UGT2A2: variants seen among roughly 807,000 people sequenced by gnomAD.
UGT2A2 encodes the protein UDP-glucuronosyltransferase 2A2.
UGT2A2 carries 60 observed loss-of-function variants against 50.7 expected under a neutral mutation model. That is an observed-to-expected ratio of 1.18 (90% CI 0.96 to 1.47). The LOEUF is 1.47. UGT2A2 is among the 40% of genes most tolerant of loss of function. The pLI is 0.00. For missense variants in UGT2A2, 762 were observed against 634.0 expected (o/e 1.20, Z -2.17); for synonymous variants, 242 against 214.6 (o/e 1.13, Z -1.11).
At chr4:69,601,283 A>G (rs1719273359) in intron 1 of UGT2A2, among the ~76,000 whole-genome samples, 1 of 152,156 alleles carries the variant, frequency 6.6e-6, no homozygotes, top group Non-Finnish European at 1.5e-5. Context: ...GGGGAGCCAG[A>G]GCACAGACTT....
Position 69,599,307 on chromosome 4 carries a change from T to A in UGT2A2, c.830A>T (p.Tyr277Phe), listed in dbSNP as rs1486101154. Reference sequence around the variant, plus strand: ...TCCAACAAACTCAAAATTAGGTAAGTATGGACGAGGAAATTCAAAATCCCA... The same window carrying A: ...TCCAACAAACTCAAAATTAGGTAAGAATGGACGAGGAAATTCAAAATCCCA... Reference protein sequence around the residue: ...TYWDFEFPRPYLPNFEFVGGL... With the variant: ...TYWDFEFPRPFLPNFEFVGGL... The change falls in exon 2 of 6, where the codon TAC (tyrosine) becomes TTC (phenylalanine). Residue 277 changes from tyrosine to phenylalanine, a missense_variant. Transcript: ENST00000604629. 1 of 1,613,862 alleles carries A rather than the reference T, an allele frequency of 6.2e-7. No homozygotes were observed. The highest frequency in any genetic ancestry group is 8.5e-7 in the Non-Finnish European group (1 of 1,179,936).
At chr4:69,615,984 T>C (rs1415573934) in intron 1 of UGT2A2, among the ~76,000 whole-genome samples, 2 of 152,026 alleles carry the variant, frequency 1.3e-5, no homozygotes, top group Non-Finnish European at 2.9e-5. Flanking sequence ...CTGTTCCCAA[T>C]AGCCAAGATA....
intron 1 of UGT2A2, among the ~76,000 whole-genome samples, chr4:69,610,024 T>G (rs1244807104): frequency 6.6e-6 from 1 of 152,056 alleles, no homozygotes; most frequent in Non-Finnish European, 1.5e-5. Context: ...ACCTATAAAG[T>G]TTTTAAAGAG....
intron 5 of UGT2A2, among the ~76,000 whole-genome samples, chr4:69,593,500 GA>G (rs1018537716): frequency 2.0e-5 from 3 of 150,650 alleles, no homozygotes; most frequent in African/African-American, 7.3e-5. Context: ...ATCTTTCAGA[GA>G]AAAAAATAAG....
At chr4:69,614,791 A>G (rs1236560302) in intron 1 of UGT2A2, among the ~76,000 whole-genome samples, 1 of 152,036 alleles carries the variant, frequency 6.6e-6, no homozygotes, top group Non-Finnish European at 1.5e-5. Flanking sequence ...ACCTCTGAGT[A>G]GTCTGTTCTC....
chr4:69,639,464 C>A lies in UGT2A2; in HGVS notation c.177G>T (p.Val59=). Residue 59 remains valine, a synonymous_variant, in exon 1 of 6, where the codon GTG becomes GTT. Transcript: ENST00000604629. ...LEELIQRNHN[V]TVLASSATLF... is the part of the protein sequence containing the mutation. ...GAGTTGCTGATGAAGCCAGTACAGT[C>A]ACATTGTGATTTCTTTGAATCAACT... The A allele has an allele frequency of 6.2e-7, 1 of 1,613,078 alleles. No homozygotes were observed. The highest frequency in any genetic ancestry group is 1.1e-5 in the South Asian group (1 of 90,908).
chr4:69,622,849 G>A (rs1370922225), intron 1 of UGT2A2, among the ~76,000 whole-genome samples: 5 of 151,710 alleles, frequency 3.3e-5, no homozygotes, highest in African/African-American at 4.8e-5. Context: ...TCTTGGCTTC[G>A]GTGTAGGACA....
chr4:69,636,487 A>G (rs1481538913), intron 1 of UGT2A2, among the ~76,000 whole-genome samples: 1 of 152,124 alleles, frequency 6.6e-6, no homozygotes, highest in Non-Finnish European at 1.5e-5. Flanking sequence ...TTAAGTAAAT[A>G]GGATATTTAA....
chr4:69,625,883 C>A (rs931676073), intron 1 of UGT2A2, among the ~76,000 whole-genome samples: 1 of 151,324 alleles, frequency 6.6e-6, no homozygotes, highest in Non-Finnish European at 1.5e-5. Flanking sequence ...ATTCTTTAAC[C>A]CAGATACAAG....
chr4:69,596,305 A>G lies in UGT2A2; in HGVS notation c.968T>C (p.Leu323Pro). The G allele has an allele frequency of 6.2e-7, 1 of 1,607,548 alleles. No homozygotes were observed. Among genetic ancestry groups the G allele is most frequent in the Non-Finnish European group, 8.5e-7 (1 of 1,176,034 alleles). Residue 323 changes from leucine (L) to proline (P), a missense_variant, in exon 3 of 6, where the codon CTT becomes CCT. Transcript: ENST00000604629. ...AATAAGATTGGCCTTTTCTTCTGTA[A>G]GGTTTTTGACCATTGATCCCAGAGA... ...VFSLGSMVKN[L>P]TEEKANLIAS...
At chr4:69,609,942 C>A (rs1397764025) in intron 1 of UGT2A2, among the ~76,000 whole-genome samples, 1 of 152,036 alleles carries the variant, frequency 6.6e-6, no homozygotes. Context: ...AGTAGAAATT[C>A]TACATATGTG....
At chr4:69,630,737 T>C (rs2109954728) in intron 1 of UGT2A2, among the ~76,000 whole-genome samples, 1 of 152,286 alleles carries the variant, frequency 6.6e-6, no homozygotes, top group East Asian at 1.9e-4. Flanking sequence ...TGTTTTATTA[T>C]GTTAGCGAAC....
chr4:69,608,736 C>G (rs1184379393), intron 1 of UGT2A2, among the ~76,000 whole-genome samples: 1 of 152,046 alleles, frequency 6.6e-6, no homozygotes, highest in Non-Finnish European at 1.5e-5. Flanking sequence ...ACTCTTGTTG[C>G]CCAGGCTGGA....
rs1440167369 is a variant in UGT2A2 at position 69,599,340 on chromosome 4, C to T, written c.797G>A (p.Arg266Gln). 4 of 1,613,550 alleles carry T rather than the reference C, an allele frequency of 2.5e-6. No individual in the cohort carries two copies. The highest frequency in any genetic ancestry group is 3.4e-6 in the Non-Finnish European group (4 of 1,179,900). ...AGGAAATTCAAAATCCCAATATGTT[C>T]GGATTAACCAAATTTCAGCTTTCCC... ...TMGKAEIWLI[R>Q]TYWDFEFPRP... The change falls in exon 2 of 6, where the codon CGA becomes CAA. Residue 266 changes from arginine (R) to glutamine (Q), a missense_variant. By Grantham distance (43) the Arg-to-Gln change is conservative. Coordinates refer to ENST00000604629, the MANE Select transcript of UGT2A2 (RefSeq NM_001105677.2).
intron 1 of UGT2A2, among the ~76,000 whole-genome samples, chr4:69,606,360 A>C (rs1285711022): frequency 2.9e-5 from 4 of 136,772 alleles, no homozygotes; most frequent in East Asian, 4.1e-4. Flanking sequence ...AAGGCCTTGA[A>C]AAAATTCAAC....
At chr4:69,623,556 T>C (rs186679459) in intron 1 of UGT2A2, among the ~76,000 whole-genome samples, 1 of 151,282 alleles carries the variant, frequency 6.6e-6, no homozygotes, top group East Asian at 1.9e-4. Flanking sequence ...TATAAAATAA[T>C]ATTTTACATT....
chr4:69,595,799 C>G (rs1338404348), intron 3 of UGT2A2, among the ~76,000 whole-genome samples: 2 of 152,178 alleles, frequency 1.3e-5, no homozygotes, highest in African/African-American at 4.8e-5. Context: ...GCTTCTACTT[C>G]TAAACCAACT....
intron 1 of UGT2A2, among the ~76,000 whole-genome samples, chr4:69,636,471 A>G (rs758609850): frequency 1.6e-4 from 24 of 152,286 alleles, no homozygotes; most frequent in Non-Finnish European, 2.8e-4. Context: ...GAGAAGCATA[A>G]AGGTTTTAAG....
chr4:69,608,524 C>T (rs912961003), intron 1 of UGT2A2, among the ~76,000 whole-genome samples: 1 of 151,362 alleles, frequency 6.6e-6, no homozygotes, highest in African/African-American at 2.4e-5. Flanking sequence ...TGTAACTAAC[C>T]TGCACGTTGT....
Sources: gnomAD v4.1 joint callset for allele counts (sites outside exome capture counted in the v4.1 genomes callset) on GRCh38, gnomAD v4.1.1 for gene constraint, MANE v1.5 for transcripts, NCBI Gene and HGNC (gene_info 2026-07-23, HGNC 2026-07-21) for gene names.